DENND1A: variants seen among roughly 807,000 people sequenced by gnomAD.
The protein encoded by DENND1A is DENN domain containing 1A.
Under a neutral mutation model 113.7 loss-of-function variants are expected in DENND1A, and 51 were observed. That is an observed-to-expected ratio of 0.45 (90% CI 0.36 to 0.57). The LOEUF (loss-of-function observed/expected upper bound fraction) is 0.57, where lower values mean the gene tolerates loss of function less well. DENND1A is among the 20% of genes least tolerant of loss of function. The pLI is 0.00. For synonymous variants in DENND1A, 565 were observed against 570.8 expected (o/e 0.99, Z 0.14); for missense variants, 1,258 against 1,395.9 (o/e 0.90, Z 1.57).
intron 1 of DENND1A, among the ~76,000 whole-genome samples, chr9:123,902,776 AGAG>A (rs945709476): frequency 1.3e-5 from 2 of 151,838 alleles, no homozygotes; most frequent in African/African-American, 2.4e-5. Context: ...GCTGCAAGGA[AGAG>A]GAGAACAAGA....
intron 5 of DENND1A, among the ~76,000 whole-genome samples, chr9:123,743,688 C>T (rs1017871590): frequency 1.3e-5 from 2 of 150,298 alleles, no homozygotes; most frequent in Admixed American, 6.6e-5. Flanking sequence ...GCTGAGACCA[C>T]GCAATTGCAC....
intron 1 of DENND1A, among the ~76,000 whole-genome samples, chr9:123,926,885 G>A (rs191462544): frequency 1.3e-5 from 2 of 151,042 alleles, no homozygotes; most frequent in Non-Finnish European, 1.5e-5. Flanking sequence ...GACAAGAAAC[G>A]AGATTCAGTA....
chr9:123,426,550 G>T (rs941787876), intron 19 of DENND1A, among the ~76,000 whole-genome samples: 5 of 152,150 alleles, frequency 3.3e-5, no homozygotes, highest in Non-Finnish European at 5.9e-5. Context: ...AGGCAGAATG[G>T]AGCCAGGGAG....
intron 5 of DENND1A, among the ~76,000 whole-genome samples, chr9:123,699,515 T>A (rs2065742240): frequency 6.6e-6 from 1 of 151,986 alleles, no homozygotes. Flanking sequence ...ATCTTCCAGG[T>A]TCCCCCCTCA....
At chr9:123,628,493 G>C (rs1013691045) in intron 10 of DENND1A, among the ~76,000 whole-genome samples, 2 of 152,102 alleles carry the variant, frequency 1.3e-5, no homozygotes, top group African/African-American at 4.8e-5. Flanking sequence ...AGAGAGGCTG[G>C]AGACCTGGGT....
intron 13 of DENND1A, among the ~76,000 whole-genome samples, chr9:123,515,245 T>C (rs2053807269): frequency 6.6e-6 from 1 of 152,230 alleles, no homozygotes; most frequent in South Asian, 2.1e-4. Flanking sequence ...TTACAGATTG[T>C]CTATTAGGTT....
At chr9:123,819,532 T>G (rs182000656) in intron 2 of DENND1A, among the ~76,000 whole-genome samples, 1 of 152,294 alleles carries the variant, frequency 6.6e-6, no homozygotes, top group East Asian at 1.9e-4. Context: ...TATTTTATTT[T>G]TTTATTTTTG....
chr9:123,745,130 TCAGA>T (rs2069382888), intron 5 of DENND1A, among the ~76,000 whole-genome samples: 1 of 152,146 alleles, frequency 6.6e-6, no homozygotes, highest in Non-Finnish European at 1.5e-5. Context: ...AAATTAAGGC[TCAGA>T]CAGAGTAAAT....
At position 123,418,711 on chromosome 9, in the gene DENND1A, C is replaced by T. The variant is rs554187034; in HGVS notation, c.1489-6882G>A. 5.9e-5 allele frequency among the ~76,000 whole-genome samples: 9 copies of T among 152,322 alleles called. No homozygotes were observed. The East Asian group carries it at 9.7e-4, about 16-fold the overall frequency. On this transcript the variant is annotated intron_variant, in intron 19 of 23. Coordinates refer to ENST00000394215, the MANE Select transcript of DENND1A (RefSeq NM_001352964.2). ...CCGGTGCTTCCAGGGCCTAAGCAGC[C>T]GCTGCACACTCACCAGCGCAAGGCT...
intron 5 of DENND1A, among the ~76,000 whole-genome samples, chr9:123,734,555 TG>T (rs2068421074): frequency 6.6e-6 from 1 of 152,086 alleles, no homozygotes; most frequent in South Asian, 2.1e-4. Flanking sequence ...AAGTTTGGGA[TG>T]GGGGCAAGAC....
chr9:123,678,107 C>A (rs1406000799), intron 5 of DENND1A, among the ~76,000 whole-genome samples: 2 of 152,158 alleles, frequency 1.3e-5, no homozygotes, highest in South Asian at 2.1e-4. Context: ...CTGCCCTGGT[C>A]ATGAGAATGC....
intron 15 of DENND1A, 114 bp from the exon 16 acceptor site, chr9:123,454,893 A>G (rs1201004605): frequency 1.9e-5 from 18 of 941,838 alleles, no homozygotes; most frequent in Non-Finnish European, 2.8e-5. Context: ...TGTCTCCCAG[A>G]CTGGAGTGCA....
intron 11 of DENND1A, among the ~76,000 whole-genome samples, chr9:123,603,247 T>C (rs995491911): frequency 2.6e-5 from 4 of 152,218 alleles, no homozygotes; most frequent in African/African-American, 9.7e-5. Flanking sequence ...GCCAACTCAA[T>C]TGACAGAAAT....
At chr9:123,782,208 G>T (rs1310196914) in intron 3 of DENND1A, among the ~76,000 whole-genome samples, 1 of 152,122 alleles carries the variant, frequency 6.6e-6, no homozygotes, top group Admixed American at 6.6e-5. Context: ...TTTGCCAGGG[G>T]TTTAGATCTC....
chr9:123,781,699 A>C (rs1290508425), intron 3 of DENND1A, among the ~76,000 whole-genome samples: 2 of 152,180 alleles, frequency 1.3e-5, no homozygotes, highest in Admixed American at 6.5e-5. Context: ...GTCTTTGCCC[A>C]AAGTGTCATA....
At chr9:123,897,176 T>A (rs2133840114) in intron 1 of DENND1A, among the ~76,000 whole-genome samples, 1 of 152,316 alleles carries the variant, frequency 6.6e-6, no homozygotes. Flanking sequence ...TGGAGCGCTA[T>A]TTGAGGAACC....
At chr9:123,571,432 T>C (rs185624028) in intron 12 of DENND1A, among the ~76,000 whole-genome samples, 17 of 152,336 alleles carry the variant, frequency 1.1e-4, no homozygotes, top group Admixed American at 2.0e-4. Context: ...CCACAGAAGG[T>C]TGGTTGGTGC....
At chr9:123,774,048 T>C (rs991748640) in intron 3 of DENND1A, among the ~76,000 whole-genome samples, 2 of 152,146 alleles carry the variant, frequency 1.3e-5, no homozygotes, top group Non-Finnish European at 2.9e-5. Context: ...TGGGAGAACA[T>C]TTCCTGGGTT....
At chr9:123,511,104 T>C (rs540880962) in intron 13 of DENND1A, among the ~76,000 whole-genome samples, 2 of 152,224 alleles carry the variant, frequency 1.3e-5, no homozygotes, top group East Asian at 1.9e-4. Flanking sequence ...CCTCCATGCA[T>C]CCCTCAAGGC....
Sources: allele counts gnomAD v4.1 joint callset (sites outside exome capture counted in the v4.1 genomes callset), GRCh38; gene constraint gnomAD v4.1.1; transcripts MANE v1.5; gene names NCBI Gene and HGNC (gene_info 2026-07-23, HGNC 2026-07-21).